The following TJP1 variants were observed in gnomAD, a reference collection of about 807,000 sequenced individuals.
TJP1 encodes tight junction protein 1, also known as tight junction protein ZO-1.
In TJP1, 43 loss-of-function variants were observed where a neutral mutation model predicts 194.2. That is an observed-to-expected ratio of 0.22 (90% CI 0.17 to 0.29). The LOEUF is 0.29. Ranked by LOEUF, TJP1 falls within the 10% of genes least tolerant of loss-of-function variation. The pLI, the probability that TJP1 is intolerant of heterozygous loss-of-function variation, is 1.00. For missense variants in TJP1, 1,971 were observed against 2,185.7 expected, an observed-to-expected ratio of 0.90 and a Z score of 1.96; for synonymous variants, 801 against 779.0, an observed-to-expected ratio of 1.03 and a Z score of -0.47.
intron 23 of TJP1, 47 bp downstream of exon 23, chr15:29,716,564 A>T: frequency 7.2e-7 from 1 of 1,384,400 alleles, no homozygotes; most frequent in Non-Finnish European, 1.0e-6. Context: ...ACTGCACGGG[A>T]TTAATATGCT....
chr15:29,802,983 G>C (rs901689452), intron 1 of TJP1, among the ~76,000 whole-genome samples: 1 of 152,110 alleles, frequency 6.6e-6, no homozygotes, highest in Non-Finnish European at 1.5e-5. Flanking sequence ...TTAATCAAAT[G>C]GGAAAATTTA....
chr15:29,937,737 G>C (rs2054931336), intron 2 of TJP1, among the ~76,000 whole-genome samples: 1 of 152,162 alleles, frequency 6.6e-6, no homozygotes, highest in Non-Finnish European at 1.5e-5. Flanking sequence ...GACCCTCCAG[G>C]CTTTTCCAAA....
At chr15:29,939,770 TA>T (rs1456913140) in intron 2 of TJP1, among the ~76,000 whole-genome samples, 3 of 152,322 alleles carry the variant, frequency 2.0e-5, no homozygotes, top group South Asian at 2.1e-4. Flanking sequence ...AAAAAAGGCC[TA>T]AGAGAGCTTG....
chr15:29,760,016 G>C, intron 8 of TJP1: 1 of 513,112 alleles, frequency 1.9e-6, no homozygotes, highest in South Asian at 3.2e-5. Flanking sequence ...AGTTCGTTCT[G>C]GTTTTAATTT....
intron 8 of TJP1, among the ~76,000 whole-genome samples, chr15:29,750,315 T>C (rs1443845963): frequency 6.6e-6 from 1 of 151,918 alleles, no homozygotes; most frequent in Non-Finnish European, 1.5e-5. Context: ...ATTTTTTGTA[T>C]TTTAGTAGAG....
At chr15:29,898,792 A>T (rs1484209848) in intron 2 of TJP1, among the ~76,000 whole-genome samples, 4 of 152,212 alleles carry the variant, frequency 2.6e-5, no homozygotes, top group Admixed American at 2.0e-4. Flanking sequence ...CTAAAATTCA[A>T]CATACTTTTT....
At chr15:29,721,681 A>C (rs1158094573) in intron 18 of TJP1, among the ~76,000 whole-genome samples, 2 of 152,226 alleles carry the variant, frequency 1.3e-5, no homozygotes, top group Non-Finnish European at 2.9e-5. Context: ...GGAGGGCTCA[A>C]GAGAAGACAG....
intron 2 of TJP1, among the ~76,000 whole-genome samples, chr15:29,842,697 A>T (rs2051269119): frequency 6.6e-6 from 1 of 152,210 alleles, no homozygotes; most frequent in African/African-American, 2.4e-5. Context: ...GCTGTAAAGG[A>T]AGGCCAATAT....
intron 2 of TJP1, among the ~76,000 whole-genome samples, chr15:29,893,970 T>A (rs573680395): frequency 4.0e-4 from 61 of 152,312 alleles, no homozygotes; most frequent in Middle Eastern, 3.4e-3. Context: ...CCTTTGTGTT[T>A]TGATCAGATA....
intron 15 of TJP1, chr15:29,728,585 T>C (rs2151209597): frequency 6.5e-6 from 1 of 153,410 alleles, no homozygotes; most frequent in East Asian, 1.9e-4. Flanking sequence ...AGACAGCCTA[T>C]GGCTTCATCC....
At chr15:29,826,140 A>ATT (rs999648054), upstream of TJP1, among the ~76,000 whole-genome samples, 12 of 105,212 alleles carry the variant, frequency 1.1e-4, no homozygotes, top group African/African-American at 3.4e-4. Flanking sequence ...ACACCATTTC[A>ATT]TTTTTTTTTT....
At chr15:29,964,874 T>A (rs1321144450) in intron 1 of TJP1, among the ~76,000 whole-genome samples, 2 of 152,058 alleles carry the variant, frequency 1.3e-5, no homozygotes, top group Admixed American at 1.3e-4. Flanking sequence ...GAAAAGAGAG[T>A]TCCTACAGGC....
chr15:29,747,998 GA>G (rs1244586902), intron 8 of TJP1, among the ~76,000 whole-genome samples: 1 of 152,094 alleles, frequency 6.6e-6, no homozygotes, highest in East Asian at 1.9e-4. Flanking sequence ...ATTAATATTT[GA>G]AATATTAGCT....
At chr15:29,893,280 A>G (rs148980984) in intron 2 of TJP1, among the ~76,000 whole-genome samples, 183 of 152,338 alleles carry the variant, frequency 1.2e-3, no homozygotes, top group African/African-American at 4.0e-3. Flanking sequence ...AGCAAAGACA[A>G]TGGTTTCTCG....
rs530806864 is a variant in TJP1, at chr15:29,854,270, T to C, written c.307-53568A>G. On this transcript the variant is annotated intron_variant, in intron 2 of 28. Transcript: ENST00000356107. ...AGGATGGCTTCTGTAGTAAGTTGTA[T>C]GGTGTGGTCTCCAATAAGATATGTC... Among the ~76,000 whole-genome samples the C allele has an allele frequency of 4.6e-5, 7 of 152,252 alleles. No individual in the cohort carries two copies. The East Asian group carries it at 1.4e-3, about 29-fold the overall frequency.
intron 1 of TJP1, among the ~76,000 whole-genome samples, chr15:29,803,651 T>C (rs2048928829): frequency 6.6e-6 from 1 of 152,148 alleles, no homozygotes; most frequent in African/African-American, 2.4e-5. Flanking sequence ...GTTCTTATTG[T>C]TAATTATAAA....
chr15:29,953,085 C>A (rs1334950596), intron 2 of TJP1, among the ~76,000 whole-genome samples: 2 of 147,570 alleles, frequency 1.4e-5, no homozygotes, highest in African/African-American at 4.9e-5. Flanking sequence ...TTTTCGAATC[C>A]ATGTTTTTTT....
chr15:29,936,376 C>G (rs1157821219), intron 2 of TJP1, among the ~76,000 whole-genome samples: 1 of 152,210 alleles, frequency 6.6e-6, no homozygotes, highest in Non-Finnish European at 1.5e-5. Context: ...GTTGCCAGCA[C>G]CTGTCAGTGC....
intron 2 of TJP1, among the ~76,000 whole-genome samples, chr15:29,903,796 T>C (rs958204117): frequency 6.6e-6 from 1 of 152,208 alleles, no homozygotes; most frequent in Non-Finnish European, 1.5e-5. Flanking sequence ...CCTCTTTTTC[T>C]GAAATCAGGG....
Sources: allele counts gnomAD v4.1 joint callset (sites outside exome capture counted in the v4.1 genomes callset), GRCh38; gene constraint gnomAD v4.1.1; transcripts MANE v1.5; gene names NCBI Gene and HGNC (gene_info 2026-07-23, HGNC 2026-07-21).